CALR3: variants seen among roughly 807,000 people sequenced by gnomAD.
The protein encoded by CALR3 is calreticulin-3.
In CALR3, 39 loss-of-function variants were observed where a neutral mutation model predicts 48.7. The observed-to-expected ratio is 0.80, with a 90% confidence interval of 0.62 to 1.05. CALR3 has a LOEUF of 1.05. Among genes scored for constraint, CALR3 ranks in the 50% least tolerant of loss-of-function variants. The pLI, the probability that CALR3 is intolerant of heterozygous loss-of-function variation, is 0.00. For synonymous variants in CALR3, 185 were observed against 172.7 expected (o/e 1.07, Z -0.56); for missense variants, 449 against 474.7 (o/e 0.95, Z 0.50).
At position 16,492,367 on chromosome 19, in the gene CALR3, A is replaced by C. The variant is rs888091494; in HGVS notation, c.194-1797T>G. ...GCTACTCGGGAAGCTCAGGCAGCTGAACTGTTTGAACCTGGGAGATGGAGG... is the reference window on the plus strand; with the variant it reads ...GCTACTCGGGAAGCTCAGGCAGCTGCACTGTTTGAACCTGGGAGATGGAGG... On this transcript the variant is annotated intron_variant, in intron 2 of 8. Transcript: ENST00000269881. Among the ~76,000 whole-genome samples the C allele has an allele frequency of 2.4e-4, 36 of 152,090 alleles. 1 individual carries two copies. Among genetic ancestry groups the C allele is most frequent in the Non-Finnish European group, 1.0e-4 (7 of 68,004 alleles).
chr19:16,483,243 G>A (rs1161718489), intron 5 of CALR3, among the ~76,000 whole-genome samples: 1 of 152,118 alleles, frequency 6.6e-6, no homozygotes, highest in Non-Finnish European at 1.5e-5. Flanking sequence ...TCAGTTTGGT[G>A]GTCAGGAGGC....
At position 16,490,668 on chromosome 19, in the gene CALR3, T is replaced by G. The variant is rs935057052; in HGVS notation, c.194-98A>C. ...TCCTTCCCTTACTCCCAAACATAAA[T>G]GTCCTAACCATTTACAGTGATCTAC... On this transcript the variant is annotated intron_variant, in intron 2 of 8. Transcript: ENST00000269881. The G allele has an allele frequency of 8.4e-6, 9 of 1,065,564 alleles. No homozygotes were observed. The Admixed American group carries it at 1.4e-4, about 16-fold the overall frequency. 66.0% of individuals were successfully genotyped at this position (1,065,564 alleles called of 1,614,324 possible).
chr19:16,481,547 T>G (rs1166253949), intron 7 of CALR3, among the ~76,000 whole-genome samples: 2 of 149,256 alleles, frequency 1.3e-5, no homozygotes, highest in African/African-American at 2.5e-5. Context: ...GGCGCGATCT[T>G]GGCTCACTGC....
intron 3 of CALR3, among the ~76,000 whole-genome samples, chr19:16,486,976 A>G (rs2093390061): frequency 6.6e-6 from 1 of 152,158 alleles, no homozygotes; most frequent in African/African-American, 2.4e-5. Flanking sequence ...ATTCAGATGT[A>G]GTAGACACAT....
intron 3 of CALR3, among the ~76,000 whole-genome samples, chr19:16,489,105 A>C (rs1397647550): frequency 6.6e-6 from 1 of 152,248 alleles, no homozygotes; most frequent in Non-Finnish European, 1.5e-5. Flanking sequence ...AACGTAAAAA[A>C]CATTTTTAGT....
At chr19:16,482,087 TTTAGTA>T (rs1482836437) in intron 7 of CALR3, among the ~76,000 whole-genome samples, 1 of 151,704 alleles carries the variant, frequency 6.6e-6, no homozygotes, top group Non-Finnish European at 1.5e-5. Flanking sequence ...TTTTTGTATT[TTTAGTA>T]GAGACGGGGT....
chr19:16,490,639 G>C, intron 2 of CALR3, 69 bp from the exon 3 acceptor site: 1 of 1,346,156 alleles, frequency 7.4e-7, no homozygotes, highest in Non-Finnish European at 1.1e-6. Flanking sequence ...AAGTTAAATC[G>C]ATGTCCTTCC....
chr19:16,489,069 G>C (rs1017167676), intron 3 of CALR3, among the ~76,000 whole-genome samples: 2 of 152,182 alleles, frequency 1.3e-5, no homozygotes, highest in African/African-American at 4.8e-5. Context: ...ATATCATCTT[G>C]TATTGATTTT....
intron 2 of CALR3, among the ~76,000 whole-genome samples, chr19:16,493,375 C>T (rs959641583): frequency 6.6e-6 from 1 of 152,120 alleles, no homozygotes. Flanking sequence ...TCTATCAAGC[C>T]TTGCCTAGAA....
In CALR3 at chr19:16,483,853, G is replaced by A. The variant is rs2093384612; in HGVS notation, c.678+77C>T. The A allele has an allele frequency of 3.4e-6, 5 of 1,466,514 alleles. No homozygotes were observed. In the African/African-American group the frequency reaches 7.0e-5, roughly 20 times the overall value. The allele number at this position is 1,466,514 out of a possible 1,614,324, so 90.8% of individuals were successfully genotyped here. On this transcript the variant is annotated intron_variant, in intron 5 of 8. Transcript: ENST00000269881. ...TATTGCCATCGTGGCTACCAGCCAT[G>A]CAGCAATTGTCCAGTAACTGGGTAC...
intron 2 of CALR3, among the ~76,000 whole-genome samples, chr19:16,490,863 T>C (rs1351998978): frequency 2.0e-5 from 3 of 151,636 alleles, no homozygotes; most frequent in African/African-American, 7.3e-5. Context: ...GTTCAAGTGA[T>C]TCTCCTGCCT....
intron 4 of CALR3, 51 bp from the exon 5 acceptor site, chr19:16,484,166 T>A: frequency 7.9e-7 from 1 of 1,258,920 alleles, no homozygotes; most frequent in Non-Finnish European, 1.1e-6. Context: ...AATTTCTTTT[T>A]TCTTTTCTTT....
At chr19:16,481,729 G>A (rs915978960) in intron 7 of CALR3, among the ~76,000 whole-genome samples, 1 of 151,832 alleles carries the variant, frequency 6.6e-6, no homozygotes. Context: ...AAACGCCTGA[G>A]CTCAGGCAAT....
chr19:16,492,723 T>C (rs1231681100), intron 2 of CALR3, among the ~76,000 whole-genome samples: 2 of 151,504 alleles, frequency 1.3e-5, no homozygotes, highest in Non-Finnish European at 2.9e-5. Context: ...ATACAAAAAA[T>C]TAGCCGGGCG....
Position 16,496,073 on chromosome 19 carries a change from A to G in CALR3, c.57T>C (p.Ala19=). 2 of 1,605,996 alleles carry G rather than the reference A, an allele frequency of 1.2e-6. No homozygotes were observed. The highest frequency in any genetic ancestry group is 1.7e-6 in the Non-Finnish European group (2 of 1,176,260). ...GAAATTCCTCTTGGAAATAGACGGTAGCCAGCGCCACTCGCAGCATGCATA... is the reference window on the plus strand; with the variant it reads ...GAAATTCCTCTTGGAAATAGACGGTGGCCAGCGCCACTCGCAGCATGCATA... ...WAICMLRVAL[A]TVYFQEEFLD... The change falls in exon 1 of 9, where the codon GCT becomes GCC. Residue 19 remains alanine (A), a synonymous_variant. Transcript: ENST00000269881.
intron 2 of CALR3, 139 bp downstream of exon 2, chr19:16,495,612 C>A: frequency 1.5e-6 from 1 of 659,600 alleles, no homozygotes; most frequent in Non-Finnish European, 2.7e-6. Context: ...AGGAAAGGAG[C>A]CCCTTAAGTT....
chr19:16,489,840 A>G (rs918751285), intron 3 of CALR3, among the ~76,000 whole-genome samples: 25 of 151,414 alleles, frequency 1.7e-4, no homozygotes, highest in African/African-American at 5.8e-4. Flanking sequence ...AAACAAAAAC[A>G]AAAACAAAAA....
chr19:16,493,147 C>CTTGT (rs1010096280), intron 2 of CALR3, among the ~76,000 whole-genome samples: 12 of 152,206 alleles, frequency 7.9e-5, no homozygotes, highest in African/African-American at 2.9e-4. Context: ...CCTCATTGTT[C>CTTGT]TTGTTTGGCA....
intron 3 of CALR3, among the ~76,000 whole-genome samples, chr19:16,487,758 C>T (rs964208764): frequency 1.3e-5 from 2 of 151,924 alleles, no homozygotes; most frequent in Admixed American, 1.3e-4. Context: ...CTGCCTCAGC[C>T]TCCTGAGTAG....
Sources: allele counts gnomAD v4.1 joint callset (sites outside exome capture counted in the v4.1 genomes callset), GRCh38; gene constraint gnomAD v4.1.1; transcripts MANE v1.5; gene names NCBI Gene and HGNC (gene_info 2026-07-23, HGNC 2026-07-21).